The following SERBP1 variants were observed in gnomAD, a reference collection of about 807,000 sequenced individuals.
SERBP1 encodes the protein SERPINE1 mRNA-binding protein 1.
Under a neutral mutation model 50.2 loss-of-function variants are expected in SERBP1, and 6 were observed. The ratio of observed to expected loss-of-function variants is 0.12; its 90% CI spans 0.07 to 0.24. The LOEUF (loss-of-function observed/expected upper bound fraction) is 0.24, where lower values mean the gene tolerates loss of function less well. Ranked by LOEUF, SERBP1 falls within the 10% of genes least tolerant of loss-of-function variation. The probability of loss-of-function intolerance (pLI) is 1.00; values close to 1 mark genes in which losing one functional copy is unlikely to be tolerated. For missense variants in SERBP1, 346 were observed against 524.9 expected (o/e 0.66, Z 3.33); for synonymous variants, 168 against 182.8 (o/e 0.92, Z 0.65).
Position 67,413,036 on chromosome 1 carries a change from G to A in SERBP1, c.*171C>T. ...TGACTACCATATTTGTTACTTCTGT[G>A]TAGCGGGAGAAGTTCATTTTTAAAA... On this transcript the variant is annotated 3_prime_UTR_variant, in exon 8 of 8. Coordinates refer to ENST00000361219, the MANE Select transcript of SERBP1 (RefSeq NM_001018069.2). 2.6e-6 allele frequency: 2 copies of A among 774,438 alleles called. No individual in the cohort carries two copies. The highest frequency in any genetic ancestry group is 2.0e-6 in the Non-Finnish European group (1 of 511,704). 48.0% of individuals were successfully genotyped at this position (774,438 alleles called of 1,614,324 possible). A position where few individuals can be genotyped will look rare whatever the true frequency, so the allele number is the denominator to read the frequency against.
chr1:67,413,135 G>A lies in SERBP1; in HGVS notation c.*72C>T, dbSNP rs1666893626. On this transcript the variant is annotated 3_prime_UTR_variant, in exon 8 of 8. Coordinates refer to ENST00000361219, the MANE Select transcript of SERBP1 (RefSeq NM_001018069.2). Reference sequence around the variant, plus strand: ...TTTTTTTTAATTTCTTAGTCGTTTGGAATCCTTAAGCATGCAAAAGCTTTG... The same window carrying A: ...TTTTTTTTAATTTCTTAGTCGTTTGAAATCCTTAAGCATGCAAAAGCTTTG... The A allele has an allele frequency of 6.9e-7, 1 of 1,456,942 alleles. No homozygotes were observed. Among genetic ancestry groups the A allele is most frequent in the Non-Finnish European group, 9.1e-7 (1 of 1,094,898 alleles). The allele number at this position is 1,456,942 out of a possible 1,614,324, so 90.3% of individuals were successfully genotyped here. A position where few individuals can be genotyped will look rare whatever the true frequency, so the allele number is the denominator to read the frequency against.
At position 67,411,626 on chromosome 1, in the gene SERBP1, T is replaced by C. The variant is rs991728826; in HGVS notation, c.*1581A>G. 7.9e-5 allele frequency: 12 copies of C among 152,164 alleles called. No homozygotes were observed. Among genetic ancestry groups the C allele is most frequent in the Non-Finnish European group, 1.2e-4 (8 of 68,014 alleles). The allele number at this position is 152,164 out of a possible 1,614,324, so 9.4% of individuals were successfully genotyped here. On this transcript the variant is annotated 3_prime_UTR_variant, in exon 8 of 8. Coordinates refer to ENST00000361219, the MANE Select transcript of SERBP1 (RefSeq NM_001018069.2). Reference sequence around the variant, plus strand: ...ATAGTAGGTAACTGAGATTAATAAATCTTATCCAAAAAGTAACTCTTATAA... The same window carrying C: ...ATAGTAGGTAACTGAGATTAATAAACCTTATCCAAAAAGTAACTCTTATAA...
At chr1:67,426,939 T>C (rs907276257) in intron 1 of SERBP1, among the ~76,000 whole-genome samples, 12 of 152,200 alleles carry the variant, frequency 7.9e-5, no homozygotes, top group African/African-American at 2.9e-4. Context: ...AAAAGTGTCA[T>C]CTTTTGGTCT....
intron 7 of SERBP1, 79 bp downstream of exon 7, chr1:67,415,087 A>G: frequency 7.1e-7 from 1 of 1,410,968 alleles, no homozygotes; most frequent in Non-Finnish European, 9.4e-7. Context: ...TGTTCCCAAA[A>G]GTGACATAAG....
rs994261151 is a variant in SERBP1 at position 67,415,407 on chromosome 1, G to C, written c.952-68C>G. On this transcript the variant is annotated intron_variant, in intron 6 of 7. Coordinates refer to ENST00000361219, the MANE Select transcript of SERBP1 (RefSeq NM_001018069.2). The stretch of plus-strand genomic sequence containing the variant: ...TAACATTGCAAAATTTCTAAATAAT[G>C]AGCTTTCTTCTAAAAAAAACCAAAA... 9.8e-6 allele frequency: 14 copies of C among 1,421,844 alleles called. No homozygotes were observed. In the African/African-American group the frequency reaches 1.6e-4, roughly 16 times the overall value. 88.1% of individuals were successfully genotyped at this position (1,421,844 alleles called of 1,614,324 possible). A position where few individuals can be genotyped will look rare whatever the true frequency, so the allele number is the denominator to read the frequency against.
At position 67,410,280 on chromosome 1, in the gene SERBP1, C is replaced by G. The variant is rs1480291581; in HGVS notation, c.*2927G>C. 1 of 152,094 alleles carries G rather than the reference C, an allele frequency of 6.6e-6. No individual in the cohort carries two copies. The highest frequency in any genetic ancestry group is 1.5e-5 in the Non-Finnish European group (1 of 68,006). 9.4% of individuals were successfully genotyped at this position (152,094 alleles called of 1,614,324 possible). A position where few individuals can be genotyped will look rare whatever the true frequency, so the allele number is the denominator to read the frequency against. On this transcript the variant is annotated 3_prime_UTR_variant, in exon 8 of 8. Transcript: ENST00000361219. Reference sequence around the variant, plus strand: ...GCACCAACCTAGTATTTTCGAAATCCAATACACATTTAGGCTTTGTATGCA... The same window carrying G: ...GCACCAACCTAGTATTTTCGAAATCGAATACACATTTAGGCTTTGTATGCA...
intron 5 of SERBP1, 70 bp downstream of exon 5, chr1:67,424,130 G>A (rs1423550200): frequency 4.3e-5 from 64 of 1,488,240 alleles, no homozygotes; most frequent in Non-Finnish European, 2.7e-6. Context: ...TAAATCTATG[G>A]GTTATCTTAT....
At chr1:67,425,848 G>C (rs1667354392) in intron 2 of SERBP1, among the ~76,000 whole-genome samples, 1 of 152,194 alleles carries the variant, frequency 6.6e-6, no homozygotes, top group Non-Finnish European at 1.5e-5. Context: ...AACAAAATAT[G>C]AAGACTTCTT....
Position 67,410,218 on chromosome 1 carries a change from T to A in SERBP1, c.*2989A>T, listed in dbSNP as rs191292757. On this transcript the variant is annotated 3_prime_UTR_variant, in exon 8 of 8. Coordinates refer to ENST00000361219, the MANE Select transcript of SERBP1 (RefSeq NM_001018069.2). ...GTTGTTTCCTTCCACATGATGGTAC[T>A]TTCCTAAAGACATGTTAGGTTGGTA... is the stretch of plus-strand genomic sequence containing the variant. 6.6e-6 allele frequency: 1 copy of A among 152,200 alleles called. No individual in the cohort carries two copies. The highest frequency in any genetic ancestry group is 6.5e-5 in the Admixed American group (1 of 15,288). The allele number at this position is 152,200 out of a possible 1,614,324, so 9.4% of individuals were successfully genotyped here.
At chr1:67,425,374 C>T (rs2100439757) in intron 2 of SERBP1, 151 bp from the exon 3 acceptor site, 1 of 769,438 alleles carries the variant, frequency 1.3e-6, no homozygotes, top group Non-Finnish European at 2.0e-6. Flanking sequence ...TAGTCTGTTT[C>T]TAAACACAAA....
At chr1:67,423,862 G>A (rs542383769) in intron 5 of SERBP1, among the ~76,000 whole-genome samples, 2 of 151,982 alleles carry the variant, frequency 1.3e-5, no homozygotes, top group Non-Finnish European at 2.9e-5. Context: ...TTTTCAAAGC[G>A]TTAGAGTCAA....
intron 5 of SERBP1, among the ~76,000 whole-genome samples, chr1:67,423,915 G>C (rs1043019026): frequency 1.3e-5 from 2 of 152,222 alleles, no homozygotes; most frequent in African/African-American, 4.8e-5. Context: ...GGGTGCAGTG[G>C]CTCATGCCTG....
At position 67,430,007 on chromosome 1, in the gene SERBP1, G is replaced by A. The variant is rs761859401; in HGVS notation, c.294C>T (p.Pro98=). 1.1e-5 allele frequency: 18 copies of A among 1,610,242 alleles called. No individual in the cohort carries two copies. The highest frequency in any genetic ancestry group is 1.4e-5 in the Non-Finnish European group (16 of 1,178,320). Residue 98 remains proline (P), a synonymous_variant, in exon 1 of 8, where the codon CCC becomes CCT. Coordinates refer to ENST00000361219, the MANE Select transcript of SERBP1 (RefSeq NM_001018069.2). The stretch of plus-strand genomic sequence containing the variant: ...CTTTACCTTCTTTCTTAAGCGCCAC[G>A]GGCGGCTGCGTCTCCTCTTTCTTGT... The part of the protein sequence containing the change: ...VVDKKEETQP[P]VALKKEGIRR...
Position 67,413,185 on chromosome 1 carries a change from AG to A in SERBP1, c.*21del, listed in dbSNP as rs1666894538. The A allele has an allele frequency of 4.4e-6, 7 of 1,588,794 alleles. No homozygotes were observed. Among genetic ancestry groups the A allele is most frequent in the Non-Finnish European group, 6.0e-6 (7 of 1,170,670 alleles). On this transcript the variant is annotated 3_prime_UTR_variant, in exon 8 of 8. Coordinates refer to ENST00000361219, the MANE Select transcript of SERBP1 (RefSeq NM_001018069.2). Reference sequence around the variant, plus strand: ...GAACAGAAGGGTTCACAAAGGAACCAGGGTTGTCTTATGGCATCCAGTTAAG... The same window carrying A: ...GAACAGAAGGGTTCACAAAGGAACCAGGTTGTCTTATGGCATCCAGTTAAG...
chr1:67,426,124 A>C lies in SERBP1; in HGVS notation c.464+11T>G. On this transcript the variant is annotated intron_variant, in intron 2 of 7. Coordinates refer to ENST00000361219, the MANE Select transcript of SERBP1 (RefSeq NM_001018069.2). ...ACCAAGACCCTGGCTCAAAAACAAG[A>C]AACAACTTACCTATCAACTGAAAAT... is the stretch of plus-strand genomic sequence containing the variant. 6 of 1,599,502 alleles carry C rather than the reference A, an allele frequency of 3.8e-6. No individual in the cohort carries two copies. Among genetic ancestry groups the C allele is most frequent in the Non-Finnish European group, 5.1e-6 (6 of 1,174,584 alleles).
At chr1:67,422,510 CA>C (rs983365701) in intron 5 of SERBP1, among the ~76,000 whole-genome samples, 250 of 136,576 alleles carry the variant, frequency 1.8e-3, no homozygotes, top group Non-Finnish European at 1.9e-3. Flanking sequence ...AACTCCATCT[CA>C]AAAAAAAAAA....
At chr1:67,426,077 T>A (rs1404419781) in intron 2 of SERBP1, 58 bp downstream of exon 2, 1 of 1,451,640 alleles carries the variant, frequency 6.9e-7, no homozygotes, top group Non-Finnish European at 9.4e-7. Context: ...CTTGTACCAC[T>A]GCACTCCAGC....
intron 6 of SERBP1, among the ~76,000 whole-genome samples, chr1:67,418,162 A>G (rs1557502575): frequency 6.6e-6 from 1 of 150,754 alleles, no homozygotes; most frequent in African/African-American, 2.4e-5. Flanking sequence ...TTTAGTAGAG[A>G]CGGGGTTTCT....
At chr1:67,421,895 C>T (rs1299724730) in intron 5 of SERBP1, among the ~76,000 whole-genome samples, 1 of 151,910 alleles carries the variant, frequency 6.6e-6, no homozygotes, top group East Asian at 1.9e-4. Flanking sequence ...GCCAAAATCG[C>T]GCCACTGCAC....
Sources: gnomAD v4.1 joint callset for allele counts (sites outside exome capture counted in the v4.1 genomes callset) on GRCh38, gnomAD v4.1.1 for gene constraint, MANE v1.5 for transcripts, NCBI Gene and HGNC (gene_info 2026-07-23, HGNC 2026-07-21) for gene names.